The following SCN9A variants were observed in gnomAD, a reference collection of about 807,000 sequenced individuals.
The protein encoded by SCN9A is sodium voltage-gated channel alpha subunit 9.
A neutral mutation model predicts 187.0 loss-of-function variants in SCN9A; 131 were observed. The observed-to-expected ratio is 0.70, with a 90% CI of 0.61 to 0.81. SCN9A has a LOEUF of 0.81. SCN9A is among the 30% of genes least tolerant of loss of function. The pLI, the probability that SCN9A is intolerant of heterozygous loss-of-function variation, is 0.00. For synonymous variants in SCN9A, 809 were observed against 808.6 expected, an observed-to-expected ratio of 1.00 and a Z score of -0.01; for missense variants, 2,252 against 2,396.6, an observed-to-expected ratio of 0.94 and a Z score of 1.26.
At chr2:166,326,044 T>C (rs546907614) in intron 1 of SCN9A, among the ~76,000 whole-genome samples, 34 of 152,278 alleles carry the variant, frequency 2.2e-4, no homozygotes, top group African/African-American at 7.0e-4. Context: ...TGAACTCTTA[T>C]AGGCCTTCTC....
chr2:166,366,822 T>C lies in SCN9A; in HGVS notation c.-51+8875A>G, dbSNP rs1700428050. Among the ~76,000 whole-genome samples the C allele has an allele frequency of 2.6e-5, 4 of 152,238 alleles. No homozygotes were observed. In the South Asian group the frequency reaches 6.2e-4, roughly 24 times the overall value. On this transcript the variant is annotated intron_variant, in intron 1 of 26. Coordinates refer to ENST00000642356, the MANE Select transcript of SCN9A (RefSeq NM_001365536.1). Reference sequence around the variant, plus strand: ...CAAGGGCCAAATTTCCCATGGTTTTTATATCCCAAAGTACAGTATCTAAGT... The same window carrying C: ...CAAGGGCCAAATTTCCCATGGTTTTCATATCCCAAAGTACAGTATCTAAGT...
rs1574885699 is a variant in SCN9A, at chr2:166,294,607, T to C, written c.957A>G (p.Thr319=). 1 of 1,609,922 alleles carries C rather than the reference T, an allele frequency of 6.2e-7. No homozygotes were observed. Among genetic ancestry groups the C allele is most frequent in the Non-Finnish European group, 8.5e-7 (1 of 1,177,080 alleles). Residue 319 remains threonine (T), a synonymous_variant, in exon 8 of 27, where the codon ACA becomes ACG. Coordinates refer to ENST00000642356, the MANE Select transcript of SCN9A (RefSeq NM_001365536.1). The stretch of plus-strand genomic sequence containing the variant: ...AAACAAATATTACATACCCTGAATC[T>C]GTGCTGAAACCACAAAGGAGAGCAT... ...SKDALLCGFS[T]DSGQCPEGYT...
intron 24 of SCN9A, among the ~76,000 whole-genome samples, chr2:166,212,335 C>G (rs1445832546): frequency 2.0e-5 from 3 of 152,168 alleles, no homozygotes; most frequent in Admixed American, 2.0e-4. Context: ...ACAGAGGACA[C>G]CCTGTAATTA....
At position 166,277,049 on chromosome 2, in the gene SCN9A, C is replaced by T; in HGVS notation, c.2808G>A (p.Met936Ile). The T allele has an allele frequency of 6.2e-7, 1 of 1,614,082 alleles. No homozygotes were observed. The highest frequency in any genetic ancestry group is 1.3e-5 in the African/African-American group (1 of 75,028). Residue 936 changes from methionine to isoleucine, a missense_variant, in exon 16 of 27, where the codon ATG becomes ATA. Met to Ile is a conservative substitution (Grantham distance 10, BLOSUM62 1). This residue lies in a region of SCN9A where 119 missense variants were observed against 188.7 expected (regional missense o/e 0.63). Coordinates refer to ENST00000642356, the MANE Select transcript of SCN9A (RefSeq NM_001365536.1). ...GEWIETMWDC[M>I]EVAGQAMCLI... ...GGCACATAGCTTGACCAGCGACCTC[C>T]ATACAGTCCCACATGGTCTCTATCC...
chr2:166,278,913 C>T (rs568091935), intron 14 of SCN9A, among the ~76,000 whole-genome samples: 6 of 152,202 alleles, frequency 3.9e-5, no homozygotes, highest in South Asian at 2.1e-4. Flanking sequence ...AAGGCAACAC[C>T]GAAATGAATC....
At chr2:166,304,546 C>A (rs1698688045) in intron 5 of SCN9A, among the ~76,000 whole-genome samples, 1 of 152,092 alleles carries the variant, frequency 6.6e-6, no homozygotes, top group Non-Finnish European at 1.5e-5. Flanking sequence ...AAATTGGATT[C>A]ATACACTTAA....
chr2:166,213,155 G>T (rs563709366), intron 24 of SCN9A, among the ~76,000 whole-genome samples: 3 of 151,690 alleles, frequency 2.0e-5, no homozygotes, highest in Non-Finnish European at 4.4e-5. Flanking sequence ...GTGAAATAGA[G>T]AATAAAAAAG....
chr2:166,206,235 T>G (rs1693797968), intron 24 of SCN9A, among the ~76,000 whole-genome samples: 1 of 152,124 alleles, frequency 6.6e-6, no homozygotes, highest in Admixed American at 6.5e-5. Context: ...TGCAGCACTA[T>G]TCACAATAGC....
At chr2:166,272,921 A>T in intron 16 of SCN9A, 46 bp from the exon 17 acceptor site, 1 of 822,306 alleles carries the variant, frequency 1.2e-6, no homozygotes, top group Non-Finnish European at 1.8e-6. Flanking sequence ...GGAGACAGGA[A>T]ATATAAAAAA....
In SCN9A at chr2:166,231,548, C is replaced by CTTT. The variant is rs57067738; in HGVS notation, c.3924+1789_3924+1791dup. Among the ~76,000 whole-genome samples, 355 of 99,032 alleles carry CTTT rather than the reference C, an allele frequency of 3.6e-3. 16 individuals carry two copies. The highest frequency in any genetic ancestry group is 8.9e-3 in the African/African-American group (220 of 24,582). 65.0% of individuals were successfully genotyped at this position (99,032 alleles called of 152,430 possible). A position where few individuals can be genotyped will look rare whatever the true frequency, so the allele number is the denominator to read the frequency against. On this transcript the variant is annotated intron_variant, in intron 21 of 26. Transcript: ENST00000642356. The stretch of plus-strand genomic sequence containing the variant: ...GTCTGGGGTGAGATCCAAGAATTTG[C>CTTT]TTTTTTTTTTTTTTTTTTTTTGATA...
intron 11 of SCN9A, 149 bp downstream of exon 11, chr2:166,286,187 C>T: frequency 1.4e-6 from 1 of 706,376 alleles, no homozygotes; most frequent in Non-Finnish European, 2.3e-6. Flanking sequence ...TACATCTTTC[C>T]ATAAATGCCT....
At chr2:166,218,959 G>T (rs1220524334) in intron 24 of SCN9A, among the ~76,000 whole-genome samples, 1 of 152,088 alleles carries the variant, frequency 6.6e-6, no homozygotes, top group Non-Finnish European at 1.5e-5. Context: ...ACAAGCATAT[G>T]AAAAAAAGCT....
At chr2:166,324,461 C>T (rs1464566404) in intron 1 of SCN9A, among the ~76,000 whole-genome samples, 2 of 152,010 alleles carry the variant, frequency 1.3e-5, no homozygotes, top group Admixed American at 6.6e-5. Context: ...AAATGAAATA[C>T]TGCTTTGAAA....
intron 23 of SCN9A, 122 bp downstream of exon 23, chr2:166,227,548 T>TG (rs1694891256): frequency 1.5e-6 from 1 of 681,142 alleles, no homozygotes; most frequent in African/African-American, 1.8e-5. Flanking sequence ...TACTATCAGG[T>TG]GGATGTTCTT....
chr2:166,375,429 A>C (rs1414749187), intron 1 of SCN9A, among the ~76,000 whole-genome samples: 3 of 152,190 alleles, frequency 2.0e-5, no homozygotes, highest in African/African-American at 7.2e-5. Context: ...ACAGTTTCAG[A>C]ACCTGGCAGC....
At chr2:166,238,667 C>T (rs1253519728) in intron 19 of SCN9A, among the ~76,000 whole-genome samples, 26 of 152,058 alleles carry the variant, frequency 1.7e-4, no homozygotes, top group Admixed American at 1.7e-3. Flanking sequence ...CCCCTTTTTC[C>T]CCACCAGTAG....
chr2:166,224,997 A>T (rs115752579), intron 24 of SCN9A, among the ~76,000 whole-genome samples: 1,599 of 152,232 alleles, frequency 0.011, 27 homozygotes, highest in African/African-American at 0.036. Flanking sequence ...AATAAACATC[A>T]ATCTCCTGCT....
intron 21 of SCN9A, among the ~76,000 whole-genome samples, chr2:166,230,274 G>A (rs1447582654): frequency 6.6e-6 from 1 of 152,052 alleles, no homozygotes; most frequent in African/African-American, 2.4e-5. Context: ...TTTCCTGGGG[G>A]CATGAAATTA....
rs368055368 is a variant in SCN9A, at chr2:166,329,500, C to T, written c.-50-17694G>A. ...ATGTAGATAGTAAAAAAAAGGTTAC[C>T]ATAGTAAAGGAAATTAACATATCTA... is the stretch of plus-strand genomic sequence containing the variant. On this transcript the variant is annotated intron_variant, in intron 1 of 26. Coordinates refer to ENST00000642356, the MANE Select transcript of SCN9A (RefSeq NM_001365536.1). Among the ~76,000 whole-genome samples the T allele has an allele frequency of 4.4e-4, 66 of 150,854 alleles. 1 individual carries two copies. In the East Asian group the frequency reaches 7.8e-3, roughly 18 times the overall value.
Sources: gnomAD v4.1 joint callset for allele counts (sites outside exome capture counted in the v4.1 genomes callset) on GRCh38, gnomAD v4.1.1 for gene constraint, gnomAD v4.1.1 regional missense constraint, MANE v1.5 for transcripts, NCBI Gene and HGNC (gene_info 2026-07-23, HGNC 2026-07-21) for gene names.